DPP10: variants seen among roughly 807,000 people sequenced by gnomAD.
The protein encoded by DPP10 is inactive dipeptidyl peptidase 10.
A neutral mutation model predicts 120.9 loss-of-function variants in DPP10; 33 were observed. The ratio of observed to expected loss-of-function variants is 0.27; its 90% CI spans 0.21 to 0.37. DPP10 has a LOEUF of 0.37. DPP10 is among the 10% of genes least tolerant of loss of function. The pLI, the probability that DPP10 is intolerant of heterozygous loss-of-function variation, is 1.00. For synonymous variants in DPP10, 337 were observed against 326.1 expected, an observed-to-expected ratio of 1.03 and a Z score of -0.36; for missense variants, 816 against 942.8, an observed-to-expected ratio of 0.87 and a Z score of 1.76.
rs530772455 is a variant in DPP10 at position 115,442,893 on chromosome 2, T to C, written c.272-56617T>C. ...TTGTCTCGAACAGTTCTGTATCTCATGTGGCTTTAGTTTGATCTTAGAATA... is the reference window on the plus strand; with the variant it reads ...TTGTCTCGAACAGTTCTGTATCTCACGTGGCTTTAGTTTGATCTTAGAATA... On this transcript the variant is annotated intron_variant, in intron 3 of 25. Coordinates refer to ENST00000410059, the MANE Select transcript of DPP10 (RefSeq NM_020868.6). Among the ~76,000 whole-genome samples the C allele has an allele frequency of 2.0e-5, 3 of 152,340 alleles. No individual in the cohort carries two copies. In the East Asian group the frequency reaches 5.8e-4, roughly 29 times the overall value.
chr2:114,581,524 C>T (rs1446420187), intron 1 of DPP10, among the ~76,000 whole-genome samples: 1 of 152,164 alleles, frequency 6.6e-6, no homozygotes, highest in Non-Finnish European at 1.5e-5. Context: ...CAGATAGGTT[C>T]TGTCCAATGG....
intron 1 of DPP10, among the ~76,000 whole-genome samples, chr2:114,831,879 A>G (rs1263912016): frequency 6.8e-6 from 1 of 147,998 alleles, no homozygotes; most frequent in Non-Finnish European, 1.5e-5. Context: ...TATAATATAT[A>G]TGTATATATA....
intron 21 of DPP10, among the ~76,000 whole-genome samples, chr2:115,828,782 G>A (rs1688633955): frequency 6.6e-6 from 1 of 151,984 alleles, no homozygotes; most frequent in South Asian, 2.1e-4. Context: ...CATTTCTGCT[G>A]CTTCATCACG....
intron 4 of DPP10, among the ~76,000 whole-genome samples, chr2:115,505,195 T>A (rs1436397869): frequency 6.6e-6 from 1 of 151,946 alleles, no homozygotes; most frequent in East Asian, 1.9e-4. Flanking sequence ...GAGTAAGTCA[T>A]CCTTATAAAC....
At chr2:115,575,933 A>G (rs1474397613) in intron 5 of DPP10, among the ~76,000 whole-genome samples, 2 of 152,222 alleles carry the variant, frequency 1.3e-5, no homozygotes, top group African/African-American at 4.8e-5. Flanking sequence ...GCAACAAAAC[A>G]TAGACCTCAG....
intron 1 of DPP10, among the ~76,000 whole-genome samples, chr2:114,739,578 G>A (rs536406858): frequency 6.6e-6 from 1 of 152,252 alleles, no homozygotes; most frequent in East Asian, 1.9e-4. Flanking sequence ...AGAATCGCTT[G>A]AACCTGGGAG....
At chr2:115,023,757 C>G (rs1573344584) in intron 1 of DPP10, among the ~76,000 whole-genome samples, 1 of 152,098 alleles carries the variant, frequency 6.6e-6, no homozygotes, top group Admixed American at 6.6e-5. Flanking sequence ...CCCAAATGCC[C>G]ATCAATCAAC....
chr2:114,873,172 G>A (rs1208380737), intron 1 of DPP10, among the ~76,000 whole-genome samples: 3 of 152,154 alleles, frequency 2.0e-5, no homozygotes, highest in East Asian at 1.9e-4. Flanking sequence ...TTTACTATTG[G>A]TGAAGAGTTG....
At chr2:115,776,654 ATAC>A (rs1241086669) in intron 13 of DPP10, among the ~76,000 whole-genome samples, 3 of 152,138 alleles carry the variant, frequency 2.0e-5, no homozygotes, top group Admixed American at 6.6e-5. Context: ...TTTTTAGACA[ATAC>A]TACTACCTGT....
intron 1 of DPP10, among the ~76,000 whole-genome samples, chr2:114,536,657 G>A (rs571520016): frequency 2.0e-5 from 3 of 151,982 alleles, no homozygotes; most frequent in African/African-American, 4.8e-5. Flanking sequence ...CACCTGTCTC[G>A]GCCTCTTAAA....
chr2:115,672,672 CTTTCTTTCTCTTTCTTTCTT>C (rs2089978584), intron 5 of DPP10, among the ~76,000 whole-genome samples: 1 of 122,712 alleles, frequency 8.1e-6, no homozygotes, highest in Non-Finnish European at 1.7e-5. Context: ...TTCTTTCTCT[CTTTCTTTCTCTTTCTTTCTT>C]TCTTTCTTTC....
At chr2:115,590,803 A>G (rs1405838140) in intron 5 of DPP10, among the ~76,000 whole-genome samples, 2 of 152,114 alleles carry the variant, frequency 1.3e-5, no homozygotes, top group South Asian at 2.1e-4. Flanking sequence ...AAGTGTTCCT[A>G]TTTCTCCACA....
intron 19 of DPP10, among the ~76,000 whole-genome samples, chr2:115,797,422 C>T (rs1684662550): frequency 6.6e-6 from 1 of 152,042 alleles, no homozygotes; most frequent in Non-Finnish European, 1.5e-5. Flanking sequence ...ATGCCAAATA[C>T]ACATCTACTT....
intron 1 of DPP10, among the ~76,000 whole-genome samples, chr2:114,870,097 G>A (rs1443430442): frequency 1.3e-5 from 2 of 152,026 alleles, no homozygotes; most frequent in Non-Finnish European, 2.9e-5. Flanking sequence ...CTATACTTGG[G>A]CATGGATCTC....
intron 3 of DPP10, among the ~76,000 whole-genome samples, chr2:115,391,660 G>A (rs989699821): frequency 8.6e-5 from 13 of 151,636 alleles, no homozygotes; most frequent in Admixed American, 2.0e-4. Context: ...TGTTATTTTA[G>A]CACATATAAA....
chr2:115,294,925 G>C (rs1263368903), intron 1 of DPP10, among the ~76,000 whole-genome samples: 3 of 152,048 alleles, frequency 2.0e-5, no homozygotes, highest in African/African-American at 7.2e-5. Context: ...AGGTTGGTAG[G>C]ATTTTTTCTA....
chr2:114,987,756 A>G lies in DPP10; in HGVS notation c.61-321483A>G, dbSNP rs1221164447. Among the ~76,000 whole-genome samples, 8 of 139,316 alleles carry G rather than the reference A, an allele frequency of 5.7e-5. No individual in the cohort carries two copies. In the South Asian group the frequency reaches 1.8e-3, roughly 32 times the overall value. 91.4% of individuals were successfully genotyped at this position (139,316 alleles called of 152,430 possible). ...ATATCTTGGATCTTATTGAGGTTTT[A>G]TTTCTCACTACTAGTACAAGACTAT... On this transcript the variant is annotated intron_variant, in intron 1 of 25. Coordinates refer to ENST00000410059, the MANE Select transcript of DPP10 (RefSeq NM_020868.6).
rs138530034 is a variant in DPP10, at chr2:115,334,837, C to G, written c.176-8980C>G. Among the ~76,000 whole-genome samples the G allele has an allele frequency of 1.9e-4, 28 of 151,306 alleles. No individual in the cohort carries two copies. The East Asian group carries it at 5.5e-3, about 30-fold the overall frequency. On this transcript the variant is annotated intron_variant, in intron 2 of 25. Coordinates refer to ENST00000410059, the MANE Select transcript of DPP10 (RefSeq NM_020868.6). Reference sequence around the variant, plus strand: ...AGCTCCGTAATTTGCTTGGTGATTTCTATATAAGTCTTCTTTTATGTAAAA... The same window carrying G: ...AGCTCCGTAATTTGCTTGGTGATTTGTATATAAGTCTTCTTTTATGTAAAA...
intron 5 of DPP10, among the ~76,000 whole-genome samples, chr2:115,634,405 G>A (rs1252785313): frequency 2.0e-5 from 3 of 152,040 alleles, no homozygotes; most frequent in African/African-American, 7.3e-5. Flanking sequence ...CTTTTTTGTT[G>A]ACGTTATTGT....
Sources: gnomAD v4.1 joint callset for allele counts (sites outside exome capture counted in the v4.1 genomes callset) on GRCh38, gnomAD v4.1.1 for gene constraint, MANE v1.5 for transcripts, NCBI Gene and HGNC (gene_info 2026-07-23, HGNC 2026-07-21) for gene names.